The following RNF212B variants were observed in gnomAD, a reference collection of about 807,000 sequenced individuals.
RNF212B encodes ring finger protein 212B.
Under a neutral mutation model 55.5 loss-of-function variants are expected in RNF212B, and 52 were observed. That is an observed-to-expected ratio of 0.94 (90% confidence interval 0.75 to 1.18). RNF212B has a LOEUF of 1.18. RNF212B is among the 50% of genes most tolerant of loss of function. The pLI, the probability that RNF212B is intolerant of heterozygous loss-of-function variation, is 0.00. For synonymous variants in RNF212B, 99 were observed against 121.4 expected, an observed-to-expected ratio of 0.82 and a Z score of 1.21; for missense variants, 289 against 350.4, an observed-to-expected ratio of 0.82 and a Z score of 1.40.
chr14:23,224,317 A>G (rs1217669598), intron 2 of RNF212B, among the ~76,000 whole-genome samples: 1 of 152,338 alleles, frequency 6.6e-6, no homozygotes, highest in Non-Finnish European at 1.5e-5. Context: ...AAAAAGAACA[A>G]AAAGGGAGGA....
chr14:23,216,118 T>C (rs182676432), intron 2 of RNF212B, among the ~76,000 whole-genome samples: 1,925 of 151,938 alleles, frequency 0.013, 39 homozygotes, highest in African/African-American at 0.042. Context: ...TGGTGGCGGG[T>C]GCCTGTAGTC....
chr14:23,207,632 A>C (rs753399577), intron 2 of RNF212B, among the ~76,000 whole-genome samples: 3 of 152,176 alleles, frequency 2.0e-5, no homozygotes, highest in Non-Finnish European at 2.9e-5. Flanking sequence ...GAGATTTGTC[A>C]AAGGTCGGGG....
At chr14:23,224,443 A>G (rs75533286) in intron 2 of RNF212B, among the ~76,000 whole-genome samples, 16,952 of 152,214 alleles carry the variant, frequency 0.11, 1,314 homozygotes, top group African/African-American at 0.22. Context: ...CCAGAAACAA[A>G]TCCACACAAC....
chr14:23,210,449 A>G (rs1880375460), intron 2 of RNF212B, among the ~76,000 whole-genome samples: 1 of 152,202 alleles, frequency 6.6e-6, no homozygotes, highest in East Asian at 1.9e-4. Flanking sequence ...TAATGTGCCA[A>G]TGTTGGTTTC....
intron 2 of RNF212B, among the ~76,000 whole-genome samples, chr14:23,232,519 C>G (rs1882742804): frequency 6.6e-6 from 1 of 151,630 alleles, no homozygotes; most frequent in Non-Finnish European, 1.5e-5. Context: ...AGGAGCGTCT[C>G]TGCCCAGCAG....
chr14:23,224,654 A>C (rs1165047776), intron 2 of RNF212B, among the ~76,000 whole-genome samples: 4 of 152,240 alleles, frequency 2.6e-5, no homozygotes, highest in Non-Finnish European at 5.9e-5. Context: ...AAACTACTTC[A>C]AGAAAACATT....
chr14:23,198,008 G>A (rs1176431030), intron 2 of RNF212B, among the ~76,000 whole-genome samples: 3 of 152,090 alleles, frequency 2.0e-5, no homozygotes, highest in Non-Finnish European at 2.9e-5. Flanking sequence ...ATCAGTTAGG[G>A]TGGGGCAGGA....
chr14:23,250,986 G>T (rs1407979484), intron 4 of RNF212B, among the ~76,000 whole-genome samples: 1 of 152,136 alleles, frequency 6.6e-6, no homozygotes, highest in African/African-American at 2.4e-5. Flanking sequence ...ATGAAAGGCA[G>T]GTTTGCCCTG....
At chr14:23,271,777 C>A (rs1555322241) in intron 14 of RNF212B, among the ~76,000 whole-genome samples, 1 of 151,938 alleles carries the variant, frequency 6.6e-6, no homozygotes, top group Non-Finnish European at 1.5e-5. Flanking sequence ...AAATATATGG[C>A]CCCTAATTGG....
chr14:23,266,084 A>C (rs1360610518), intron 11 of RNF212B, among the ~76,000 whole-genome samples: 2 of 151,116 alleles, frequency 1.3e-5, no homozygotes, highest in African/African-American at 4.9e-5. Context: ...TCAGCCTCCC[A>C]AGTAGCTGGG....
intron 11 of RNF212B, among the ~76,000 whole-genome samples, chr14:23,264,985 C>T (rs1885581242): frequency 6.6e-6 from 1 of 152,060 alleles, no homozygotes; most frequent in Non-Finnish European, 1.5e-5. Flanking sequence ...CCACGCCTGG[C>T]TAATTCTGTA....
At chr14:23,230,114 C>A (rs1271808347) in intron 2 of RNF212B, 8 of 181,964 alleles carry the variant, frequency 4.4e-5, no homozygotes, top group Non-Finnish European at 8.5e-5. Flanking sequence ...TGTGAGAAGA[C>A]ATGATGAGAA....
chr14:23,232,636 G>A (rs1486059925), intron 2 of RNF212B, among the ~76,000 whole-genome samples: 5 of 151,794 alleles, frequency 3.3e-5, no homozygotes, highest in Admixed American at 2.0e-4. Flanking sequence ...CCGTCCGGGA[G>A]GGAGTTGGGG....
At chr14:23,198,902 A>AT (rs890180425) in intron 2 of RNF212B, among the ~76,000 whole-genome samples, 2 of 152,172 alleles carry the variant, frequency 1.3e-5, no homozygotes, top group Non-Finnish European at 2.9e-5. Context: ...GTAGTGGATT[A>AT]GAGTTGGTTA....
intron 4 of RNF212B, among the ~76,000 whole-genome samples, chr14:23,256,836 A>G (rs1305659942): frequency 6.6e-6 from 1 of 152,112 alleles, no homozygotes; most frequent in Non-Finnish European, 1.5e-5. Flanking sequence ...ACAGGAATGT[A>G]TTATCACGCC....
chr14:23,187,090 C>T (rs369192250), intron 1 of RNF212B, among the ~76,000 whole-genome samples: 9 of 152,300 alleles, frequency 5.9e-5, no homozygotes, highest in Admixed American at 1.3e-4. Context: ...ATCCCAAGTA[C>T]GTAGTACAAT....
At chr14:23,247,489 T>C (rs1247881242) in intron 4 of RNF212B, among the ~76,000 whole-genome samples, 1 of 144,772 alleles carries the variant, frequency 6.9e-6, no homozygotes, top group Non-Finnish European at 1.5e-5. Context: ...GGGCATTTCA[T>C]AAATATGGAA....
At chr14:23,245,492 G>T (rs1449358374) in intron 4 of RNF212B, among the ~76,000 whole-genome samples, 1 of 152,154 alleles carries the variant, frequency 6.6e-6, no homozygotes, top group Admixed American at 6.6e-5. Context: ...ATCCTAACCT[G>T]CCTGATCATG....
At chr14:23,230,018 A>G (rs142639610) in intron 2 of RNF212B, 4 of 211,194 alleles carry the variant, frequency 1.9e-5, no homozygotes, top group South Asian at 1.7e-4. Context: ...ACCTGATTTT[A>G]TTATCAGTTT....
Sources: allele counts gnomAD v4.1 joint callset (sites outside exome capture counted in the v4.1 genomes callset), GRCh38; gene constraint gnomAD v4.1.1; transcripts MANE v1.5; gene names NCBI Gene and HGNC (gene_info 2026-07-23, HGNC 2026-07-21).